Variants in CTNNA3 observed in about 807,000 individuals in gnomAD.
CTNNA3 encodes the protein catenin alpha-3.
In CTNNA3, 76 loss-of-function variants were observed where a neutral mutation model predicts 95.7. That is an observed-to-expected ratio of 0.79 (90% CI 0.66 to 0.96). The LOEUF (loss-of-function observed/expected upper bound fraction) is 0.96, where lower values mean the gene tolerates loss of function less well. CTNNA3 is among the 40% of genes least tolerant of loss of function. The probability of loss-of-function intolerance (pLI) is 0.00; values close to 1 mark genes in which losing one functional copy is unlikely to be tolerated. For missense variants in CTNNA3, 1,191 were observed against 1,089.8 expected, an observed-to-expected ratio of 1.09 and a Z score of -1.31; for synonymous variants, 431 against 374.4, an observed-to-expected ratio of 1.15 and a Z score of -1.74.
chr10:67,232,214 T>G (rs1486712806), intron 5 of CTNNA3, among the ~76,000 whole-genome samples: 1 of 152,050 alleles, frequency 6.6e-6, no homozygotes, highest in East Asian at 1.9e-4. Context: ...AATTGTCAGA[T>G]TCACCAAAGT....
chr10:67,602,053 T>G (rs1843099864), intron 3 of CTNNA3, among the ~76,000 whole-genome samples: 2 of 152,206 alleles, frequency 1.3e-5, no homozygotes. Context: ...TAAATTGGTC[T>G]CAAAATTCTT....
At chr10:66,915,386 T>C (rs540161888) in intron 7 of CTNNA3, among the ~76,000 whole-genome samples, 10 of 152,094 alleles carry the variant, frequency 6.6e-5, no homozygotes, top group African/African-American at 2.4e-4. Flanking sequence ...TGAGGGAAAA[T>C]TATTTACCAC....
intron 5 of CTNNA3, among the ~76,000 whole-genome samples, chr10:67,236,055 T>C (rs1048205584): frequency 7.0e-6 from 1 of 143,308 alleles, no homozygotes; most frequent in African/African-American, 2.7e-5. Flanking sequence ...ACTTTTACAC[T>C]GTTGGTGGGA....
At chr10:66,248,353 A>AT (rs1371523565) in intron 13 of CTNNA3, among the ~76,000 whole-genome samples, 1 of 151,646 alleles carries the variant, frequency 6.6e-6, no homozygotes, top group Non-Finnish European at 1.5e-5. Context: ...AATCATAAAA[A>AT]AAAAACAGAA....
chr10:65,944,384 T>C lies in CTNNA3; in HGVS notation c.2400+22228A>G, dbSNP rs1226610467. Among the ~76,000 whole-genome samples, 4 of 152,376 alleles carry C rather than the reference T, an allele frequency of 2.6e-5. No individual in the cohort carries two copies. In the East Asian group the frequency reaches 7.7e-4, roughly 29 times the overall value. On this transcript the variant is annotated intron_variant, in intron 17 of 17. Transcript: ENST00000433211. ...TAGTGTTCCCAGGTGGAGAAGCAGA[T>C]GTATAATGGGGCTATTCGAAAATGC...
At chr10:66,975,504 G>A (rs1010272720) in intron 7 of CTNNA3, among the ~76,000 whole-genome samples, 4 of 152,090 alleles carry the variant, frequency 2.6e-5, no homozygotes, top group South Asian at 2.1e-4. Flanking sequence ...GAAAAGCTTC[G>A]CAACTATTTG....
intron 9 of CTNNA3, among the ~76,000 whole-genome samples, chr10:66,728,684 G>A (rs1428497577): frequency 2.0e-5 from 3 of 152,046 alleles, no homozygotes; most frequent in South Asian, 2.1e-4. Flanking sequence ...TGTTTCCCGC[G>A]TTAAGTGATT....
chr10:65,959,587 T>C (rs763816254), intron 17 of CTNNA3, among the ~76,000 whole-genome samples: 15 of 152,108 alleles, frequency 9.9e-5, no homozygotes, highest in Non-Finnish European at 2.2e-4. Context: ...TGCAGTGGCA[T>C]GATCTCAGCT....
chr10:65,921,619 C>G (rs1029379125), intron 17 of CTNNA3, among the ~76,000 whole-genome samples: 26 of 151,908 alleles, frequency 1.7e-4, no homozygotes, highest in Non-Finnish European at 5.9e-5. Flanking sequence ...GTGTGGATCT[C>G]ACTTTCTTGC....
intron 3 of CTNNA3, among the ~76,000 whole-genome samples, chr10:67,558,638 A>G (rs1228365429): frequency 1.3e-5 from 2 of 152,056 alleles, no homozygotes; most frequent in African/African-American, 4.8e-5. Flanking sequence ...CAGTGGGCAC[A>G]GGACAGTGGG....
intron 7 of CTNNA3, among the ~76,000 whole-genome samples, chr10:66,824,671 T>C (rs1221162811): frequency 2.0e-5 from 3 of 152,168 alleles, no homozygotes; most frequent in Non-Finnish European, 2.9e-5. Context: ...AAGCAGACAG[T>C]ATGTGGGAAA....
chr10:67,556,385 G>C (rs1382295485), intron 3 of CTNNA3, among the ~76,000 whole-genome samples: 1 of 152,102 alleles, frequency 6.6e-6, no homozygotes, highest in South Asian at 2.1e-4. Flanking sequence ...ATCTGGTCCT[G>C]GAATTTTTTT....
At chr10:65,930,395 T>A (rs1405150096) in intron 17 of CTNNA3, among the ~76,000 whole-genome samples, 1 of 152,132 alleles carries the variant, frequency 6.6e-6, no homozygotes, top group Non-Finnish European at 1.5e-5. Flanking sequence ...CCATGCCAAG[T>A]AGATAAACTA....
chr10:66,503,953 TGTG>T (rs1471676832), intron 11 of CTNNA3, among the ~76,000 whole-genome samples: 1 of 152,184 alleles, frequency 6.6e-6, no homozygotes, highest in African/African-American at 2.4e-5. Context: ...TGTATATATT[TGTG>T]GTGTACAACA....
At chr10:66,190,667 G>T (rs76089850) in intron 13 of CTNNA3, among the ~76,000 whole-genome samples, 2 of 152,010 alleles carry the variant, frequency 1.3e-5, no homozygotes, top group African/African-American at 4.8e-5. Context: ...TGCATGTTTC[G>T]TTTGTAGCAT....
chr10:66,275,822 A>G (rs1004236236), intron 13 of CTNNA3, among the ~76,000 whole-genome samples: 10 of 152,142 alleles, frequency 6.6e-5, no homozygotes, highest in African/African-American at 2.4e-4. Flanking sequence ...CAAGGCCACC[A>G]AGAAAAAAAA....
chr10:67,373,809 T>C (rs1843581256), intron 5 of CTNNA3, among the ~76,000 whole-genome samples: 1 of 152,154 alleles, frequency 6.6e-6, no homozygotes, highest in Non-Finnish European at 1.5e-5. Context: ...ATTACCCTGA[T>C]GGATGGGTGG....
chr10:67,169,753 T>C (rs866150887), intron 7 of CTNNA3, among the ~76,000 whole-genome samples: 1 of 151,760 alleles, frequency 6.6e-6, no homozygotes, highest in Non-Finnish European at 1.5e-5. Flanking sequence ...CCAAAAGCAA[T>C]CACAACAAAA....
chr10:66,096,616 T>C (rs529088811), intron 14 of CTNNA3, among the ~76,000 whole-genome samples: 2 of 150,988 alleles, frequency 1.3e-5, no homozygotes, highest in Non-Finnish European at 2.9e-5. Context: ...CTCCACCTCC[T>C]GGGTTCAAGC....
Sources: allele counts gnomAD v4.1 joint callset (sites outside exome capture counted in the v4.1 genomes callset), GRCh38; gene constraint gnomAD v4.1.1; transcripts MANE v1.5; gene names NCBI Gene and HGNC (gene_info 2026-07-23, HGNC 2026-07-21).